Variants in TSG101 observed in about 807,000 individuals in gnomAD.
TSG101 encodes the protein tumor susceptibility gene 101 protein.
A neutral mutation model predicts 48.5 loss-of-function variants in TSG101; 19 were observed. That is an observed-to-expected ratio of 0.39 (90% CI 0.27 to 0.58). The LOEUF is 0.58. Ranked by LOEUF, TSG101 falls within the 20% of genes least tolerant of loss-of-function variation. The pLI is 0.55. For missense variants in TSG101, 365 were observed against 484.4 expected, an observed-to-expected ratio of 0.75 and a Z score of 2.31; for synonymous variants, 174 against 169.4, an observed-to-expected ratio of 1.03 and a Z score of -0.21.
chr11:18,514,645 A>G (rs370083418), intron 4 of TSG101, 33 bp downstream of exon 4: 21 of 1,492,704 alleles, frequency 1.4e-5, no homozygotes, highest in Admixed American at 2.6e-5. Context: ...TATATAAAAC[A>G]TAACTAATTC....
intron 6 of TSG101, among the ~76,000 whole-genome samples, chr11:18,506,598 G>A (rs777999758): frequency 3.3e-5 from 5 of 151,940 alleles, no homozygotes; most frequent in Non-Finnish European, 7.4e-5. Flanking sequence ...GCTGAGGCAG[G>A]AGAATCACTT....
At chr11:18,490,495 C>T in intron 7 of TSG101, 1 of 498,516 alleles carries the variant, frequency 2.0e-6, no homozygotes, top group South Asian at 1.9e-5. Flanking sequence ...TGCATTTCTT[C>T]TTTCTTACTA....
chr11:18,481,858 A>G lies in TSG101; in HGVS notation c.855T>C (p.Asp285=). 6.2e-7 allele frequency: 1 copy of G among 1,613,070 alleles called. No individual in the cohort carries two copies. The highest frequency in any genetic ancestry group is 8.5e-7 in the Non-Finnish European group (1 of 1,180,014). ...TRLDQEVAEV[D]KNIELLKKKD... ...TCTTTTTCAAAAGTTCTATGTTTTT[A>G]TCAACCTCGGCCTGAAAACAGAACA... The change falls in exon 9 of 10, where the codon GAT becomes GAC. Residue 285 remains aspartate, a synonymous_variant. Coordinates refer to ENST00000251968, the MANE Select transcript of TSG101 (RefSeq NM_006292.4).
At chr11:18,482,147 T>C (rs1849550629) in intron 8 of TSG101, among the ~76,000 whole-genome samples, 1 of 152,236 alleles carries the variant, frequency 6.6e-6, no homozygotes, top group Non-Finnish European at 1.5e-5. Flanking sequence ...TACTGCAAAC[T>C]AAGCCATCAG....
intron 7 of TSG101, among the ~76,000 whole-genome samples, chr11:18,499,349 TATATGTTTATATATAA>T (rs1457458674): frequency 1.1e-5 from 1 of 91,902 alleles, no homozygotes; most frequent in African/African-American, 3.5e-5. Context: ...TGTATATTTA[TATATGTTTATATATAA>T]ATATGTTTAT....
At chr11:18,501,730 C>G (rs1157192097) in intron 7 of TSG101, among the ~76,000 whole-genome samples, 2 of 152,144 alleles carry the variant, frequency 1.3e-5, no homozygotes, top group African/African-American at 4.8e-5. Context: ...AATATTAATT[C>G]TTCATGGGCA....
chr11:18,512,723 A>ATTTTTTT lies in TSG101; in HGVS notation c.357+1948_357+1954dup, dbSNP rs776263228. On this transcript the variant is annotated intron_variant, in intron 4 of 9. Transcript: ENST00000251968. ...ACTGAGCTGATTGAAGGACAGACAG[A>ATTTTTTT]TTTTTTTTTTTTTTTTTTTTGAGAC... Among the ~76,000 whole-genome samples, 96 of 120,340 alleles carry ATTTTTTT rather than the reference A, an allele frequency of 8.0e-4. 2 individuals are homozygous for ATTTTTTT. The highest frequency in any genetic ancestry group is 1.6e-3 in the East Asian group (6 of 3,788). The allele number at this position is 120,340 out of a possible 152,430, so 78.9% of individuals were successfully genotyped here.
In TSG101 at chr11:18,480,582, T is replaced by C. The variant is rs765064874; in HGVS notation, c.1137A>G (p.Lys379=). 12 of 1,614,018 alleles carry C rather than the reference T, an allele frequency of 7.4e-6. No homozygotes were observed. The highest frequency in any genetic ancestry group is 1.0e-5 in the Non-Finnish European group (12 of 1,179,946). Reference sequence around the variant, plus strand: ...CACTGAGACCGGCAGTCTTTCTTGCTTTTTGCATTAGTGCCCTCAGCTGGA... The same window carrying C: ...CACTGAGACCGGCAGTCTTTCTTGCCTTTTGCATTAGTGCCCTCAGCTGGA... ...KQFQLRALMQ[K]ARKTAGLSDL... The change falls in exon 10 of 10, where the codon AAA becomes AAG. Residue 379 remains lysine, a synonymous_variant. Transcript: ENST00000251968.
intron 2 of TSG101, among the ~76,000 whole-genome samples, chr11:18,516,699 TGA>T (rs1850181221): frequency 6.6e-6 from 1 of 151,840 alleles, no homozygotes; most frequent in African/African-American, 2.4e-5. Flanking sequence ...CCCAGCACTT[TGA>T]GAGGCCGAGG....
intron 1 of TSG101, 62 bp from the exon 2 acceptor site, chr11:18,519,665 T>C: frequency 2.4e-6 from 3 of 1,239,726 alleles, no homozygotes; most frequent in Admixed American, 2.2e-5. Flanking sequence ...TACAGCTGGA[T>C]GAATTTTCTT....
At chr11:18,507,192 A>G (rs912459730) in intron 5 of TSG101, among the ~76,000 whole-genome samples, 10 of 152,224 alleles carry the variant, frequency 6.6e-5, no homozygotes, top group Admixed American at 4.6e-4. Flanking sequence ...GAAGTCTATT[A>G]CCTAAGAGCA....
At chr11:18,485,091 G>T (rs534985783) in intron 7 of TSG101, among the ~76,000 whole-genome samples, 29 of 151,942 alleles carry the variant, frequency 1.9e-4, no homozygotes, top group African/African-American at 6.8e-4. Flanking sequence ...ACTTCCTGAA[G>T]GGCCTTGTGA....
chr11:18,499,264 T>TTATATA (rs1849836902), intron 7 of TSG101, among the ~76,000 whole-genome samples: 1 of 120,300 alleles, frequency 8.3e-6, no homozygotes, highest in Admixed American at 9.5e-5. Flanking sequence ...TTATATATAT[T>TTATATA]TTATATATAT....
At chr11:18,492,306 G>T (rs988506976) in intron 7 of TSG101, among the ~76,000 whole-genome samples, 2 of 152,272 alleles carry the variant, frequency 1.3e-5, no homozygotes, top group East Asian at 3.9e-4. Context: ...TGCAACAGTG[G>T]TGGTATTCCA....
chr11:18,512,323 T>C (rs1304836975), intron 4 of TSG101, among the ~76,000 whole-genome samples: 2 of 152,216 alleles, frequency 1.3e-5, no homozygotes, highest in Non-Finnish European at 2.9e-5. Context: ...GTCTCTATTC[T>C]ACTGAGTCCA....
At chr11:18,482,264 G>T (rs1403828705) in intron 8 of TSG101, among the ~76,000 whole-genome samples, 1 of 152,196 alleles carries the variant, frequency 6.6e-6, no homozygotes, top group Admixed American at 6.5e-5. Flanking sequence ...CTCAGTCTAT[G>T]AAGAGGATTC....
intron 8 of TSG101, 74 bp from the exon 9 acceptor site, chr11:18,481,943 AG>A: frequency 1.3e-6 from 2 of 1,554,200 alleles, no homozygotes; most frequent in Non-Finnish European, 1.7e-6. Context: ...AACACTTCAC[AG>A]GAAAAGACAG....
chr11:18,487,496 A>C (rs537895146), intron 7 of TSG101, among the ~76,000 whole-genome samples: 1 of 152,300 alleles, frequency 6.6e-6, no homozygotes, highest in Admixed American at 6.5e-5. Flanking sequence ...ACCTTAACAC[A>C]AGGAAGAAAA....
chr11:18,526,137 G>GAA lies in TSG101; in HGVS notation c.42+636_42+637dup, dbSNP rs34165683. Among the ~76,000 whole-genome samples the GAA allele has an allele frequency of 1.3e-3, 186 of 144,254 alleles. No individual in the cohort carries two copies. The East Asian group carries it at 0.014, about 11-fold the overall frequency. The allele number at this position is 144,254 out of a possible 152,430, so 94.6% of individuals were successfully genotyped here. The stretch of plus-strand genomic sequence containing the variant: ...ATGCTTAACTGCTTTTTTAAAAATT[G>GAA]AAAAAAAAAACACTAGTCTTGAGCC... On this transcript the variant is annotated intron_variant, in intron 1 of 9. Transcript: ENST00000251968.
Sources: gnomAD v4.1 joint callset for allele counts (sites outside exome capture counted in the v4.1 genomes callset) on GRCh38, gnomAD v4.1.1 for gene constraint, MANE v1.5 for transcripts, NCBI Gene and HGNC (gene_info 2026-07-23, HGNC 2026-07-21) for gene names.